Variants in PATJ observed in about 807,000 individuals in gnomAD.
PATJ encodes the protein inaD-like protein.
PATJ carries 190 observed loss-of-function variants against 224.9 expected under a neutral mutation model. The observed-to-expected ratio is 0.84, with a 90% confidence interval of 0.75 to 0.95. PATJ has a LOEUF of 0.95. Among genes scored for constraint, PATJ ranks in the 40% least tolerant of loss-of-function variants. PATJ has a pLI of 0.00. For missense variants in PATJ, 2,121 were observed against 2,270.3 expected, an observed-to-expected ratio of 0.93 and a Z score of 1.34; for synonymous variants, 769 against 820.3, an observed-to-expected ratio of 0.94 and a Z score of 1.07.
At chr1:61,772,761 T>A (rs2148376676) in intron 6 of PATJ, among the ~76,000 whole-genome samples, 1 of 152,274 alleles carries the variant, frequency 6.6e-6, no homozygotes, top group African/African-American at 2.4e-5. Context: ...TTCAAGTCTA[T>A]TTCTCCCATA....
chr1:62,033,627 C>T (rs1419459906), intron 29 of PATJ, among the ~76,000 whole-genome samples: 1 of 152,092 alleles, frequency 6.6e-6, no homozygotes, highest in Non-Finnish European at 1.5e-5. Context: ...GACATTTTGG[C>T]CCATCCGAGG....
At chr1:62,004,847 T>C (rs1438732414) in intron 28 of PATJ, among the ~76,000 whole-genome samples, 1 of 152,218 alleles carries the variant, frequency 6.6e-6, no homozygotes, top group African/African-American at 2.4e-5. Flanking sequence ...GTAGAGATAC[T>C]CACAGAACTT....
intron 33 of PATJ, among the ~76,000 whole-genome samples, chr1:62,107,440 C>G (rs1412042913): frequency 6.6e-6 from 1 of 152,132 alleles, no homozygotes; most frequent in Non-Finnish European, 1.5e-5. Context: ...GTTTTCAGCT[C>G]CACAAAAATC....
chr1:61,886,033 G>C (rs970516168), intron 22 of PATJ, among the ~76,000 whole-genome samples: 1 of 152,008 alleles, frequency 6.6e-6, no homozygotes, highest in Admixed American at 6.6e-5. Context: ...GTTGTGGGGT[G>C]GGGGGATGGG....
In PATJ at chr1:62,125,256, AAAAAAAAC is replaced by A. The variant is rs1558203878; in HGVS notation, c.5043+2206_5043+2213del. ...TGTCTCAAAAAAAAAAAAAAAAACA[AAAAAAAAC>A]AAAAAAAAAACGCCATTAGCTCTAT... On this transcript the variant is annotated intron_variant, in intron 39 of 43. Transcript: ENST00000642238. Among the ~76,000 whole-genome samples, 192 of 111,270 alleles carry A rather than the reference AAAAAAAAC, an allele frequency of 1.7e-3. 29 individuals carry two copies. The highest frequency in any genetic ancestry group is 5.1e-3 in the African/African-American group (152 of 29,816). 73.0% of individuals were successfully genotyped at this position (111,270 alleles called of 152,430 possible).
At position 62,079,656 on chromosome 1, in the gene PATJ, A is replaced by G. The variant is rs1027210048; in HGVS notation, c.4243+89A>G. 10 of 830,618 alleles carry G rather than the reference A, an allele frequency of 1.2e-5. No individual in the cohort carries two copies. The African/African-American group carries it at 1.5e-4, about 13-fold the overall frequency. 51.5% of individuals were successfully genotyped at this position (830,618 alleles called of 1,614,324 possible). On this transcript the variant is annotated intron_variant, in intron 32 of 43. Coordinates refer to ENST00000642238, the MANE Select transcript of PATJ (RefSeq NM_001350145.3). ...GTCCTAAAACGAGAACTGGACCAGG[A>G]GGCAGAAGTCTGACTCTGGATACTT...
rs1193556181 is a variant in PATJ, at chr1:62,162,166, C to A, written c.*1112C>A. 1.3e-5 allele frequency: 2 copies of A among 152,208 alleles called. No individual in the cohort carries two copies. The highest frequency in any genetic ancestry group is 4.8e-5 in the African/African-American group (2 of 41,454). The allele number at this position is 152,208 out of a possible 1,614,324, so 9.4% of individuals were successfully genotyped here. A position where few individuals can be genotyped will look rare whatever the true frequency, so the allele number is the denominator to read the frequency against. On this transcript the variant is annotated 3_prime_UTR_variant, in exon 44 of 44. Coordinates refer to ENST00000642238, the MANE Select transcript of PATJ (RefSeq NM_001350145.3). ...AATTCTAACAGTGCTAAATTACATT[C>A]AAGTCCAGGAAGATCACCTGGAATT...
intron 24 of PATJ, among the ~76,000 whole-genome samples, chr1:61,902,153 G>A (rs2149169241): frequency 6.6e-6 from 1 of 151,960 alleles, no homozygotes; most frequent in South Asian, 2.1e-4. Flanking sequence ...CCCTGGAGGT[G>A]GGGGTCTCAG....
intron 30 of PATJ, among the ~76,000 whole-genome samples, chr1:62,045,121 T>C (rs1652279104): frequency 6.6e-6 from 1 of 151,998 alleles, no homozygotes; most frequent in South Asian, 2.1e-4. Flanking sequence ...CTCGGGAGGC[T>C]GAGGCTGGAG....
At chr1:61,818,822 C>G (rs960516592) in intron 14 of PATJ, among the ~76,000 whole-genome samples, 1 of 152,140 alleles carries the variant, frequency 6.6e-6, no homozygotes, top group Non-Finnish European at 1.5e-5. Flanking sequence ...CTCTGCGAAT[C>G]CTGACTCCAG....
intron 1 of PATJ, among the ~76,000 whole-genome samples, chr1:61,762,088 C>A (rs1161488807): frequency 1.3e-5 from 2 of 152,126 alleles, no homozygotes; most frequent in Admixed American, 6.6e-5. Flanking sequence ...GTCTTTTTTG[C>A]ACCTGCTGTT....
chr1:61,881,810 A>C (rs1201510098), intron 21 of PATJ, among the ~76,000 whole-genome samples: 1 of 152,174 alleles, frequency 6.6e-6, no homozygotes, highest in Non-Finnish European at 1.5e-5. Context: ...AAATCACTGA[A>C]GATGTTTAAT....
At chr1:61,955,877 C>G (rs1680374112) in intron 27 of PATJ, among the ~76,000 whole-genome samples, 1 of 152,210 alleles carries the variant, frequency 6.6e-6, no homozygotes, top group Non-Finnish European at 1.5e-5. Context: ...GATTGCTATT[C>G]TCTTTTTTGG....
At chr1:62,148,439 G>A (rs371726896) in intron 42 of PATJ, 49 bp downstream of exon 42, 55 of 1,381,666 alleles carry the variant, frequency 4.0e-5, no homozygotes, top group Non-Finnish European at 5.3e-5. Flanking sequence ...GGCAAAGCTC[G>A]GAAGAACTTT....
At chr1:61,938,154 A>G (rs1045066517) in intron 27 of PATJ, among the ~76,000 whole-genome samples, 4 of 152,188 alleles carry the variant, frequency 2.6e-5, no homozygotes, top group Admixed American at 6.5e-5. Context: ...AGATGCTGAT[A>G]GTACCCTCCC....
At chr1:61,807,088 T>G (rs1570613647) in intron 13 of PATJ, among the ~76,000 whole-genome samples, 2 of 151,902 alleles carry the variant, frequency 1.3e-5, no homozygotes, top group African/African-American at 4.8e-5. Flanking sequence ...GAGGCGGAGG[T>G]TGTGGTGAGC....
rs976588778 is a variant in PATJ, at chr1:62,136,275, G to A, written c.5271+7330G>A. ...TTGAACTCCTGACCTCAAGTGATCC[G>A]CCCATCTCGGCCTCCCAAAGTGCTG... On this transcript the variant is annotated intron_variant, in intron 41 of 43. Coordinates refer to ENST00000642238, the MANE Select transcript of PATJ (RefSeq NM_001350145.3). Among the ~76,000 whole-genome samples the A allele has an allele frequency of 4.0e-5, 6 of 151,228 alleles. No individual in the cohort carries two copies. In the East Asian group the frequency reaches 5.8e-4, roughly 15 times the overall value.
At position 62,163,095 on chromosome 1, in the gene PATJ, T is replaced by C. The variant is rs540355466; in HGVS notation, c.*2041T>C. The C allele has an allele frequency of 5.9e-6, 1 of 168,754 alleles. No individual in the cohort carries two copies. Among genetic ancestry groups the C allele is most frequent in the Non-Finnish European group, 1.3e-5 (1 of 77,268 alleles). 10.5% of individuals were successfully genotyped at this position (168,754 alleles called of 1,614,324 possible). A position where few individuals can be genotyped will look rare whatever the true frequency, so the allele number is the denominator to read the frequency against. Reference sequence around the variant, plus strand: ...AATTTAAAATGTTATTTAATAAGTATAGATTTTAATTGAGAATTATCTTTG... The same window carrying C: ...AATTTAAAATGTTATTTAATAAGTACAGATTTTAATTGAGAATTATCTTTG... On this transcript the variant is annotated 3_prime_UTR_variant, in exon 44 of 44. Coordinates refer to ENST00000642238, the MANE Select transcript of PATJ (RefSeq NM_001350145.3).
At chr1:61,813,194 C>G (rs1655197972) in intron 14 of PATJ, among the ~76,000 whole-genome samples, 1 of 151,516 alleles carries the variant, frequency 6.6e-6, no homozygotes, top group Non-Finnish European at 1.5e-5. Flanking sequence ...AAAAAAGGCA[C>G]AAAGCACACT....
Sources: allele counts gnomAD v4.1 joint callset (sites outside exome capture counted in the v4.1 genomes callset), GRCh38; gene constraint gnomAD v4.1.1; transcripts MANE v1.5; gene names NCBI Gene and HGNC (gene_info 2026-07-23, HGNC 2026-07-21).